The following TBATA variants were observed in gnomAD, a reference collection of about 807,000 sequenced individuals.
TBATA encodes thymus, brain and testes associated, also known as protein TBATA.
A neutral mutation model predicts 38.7 loss-of-function variants in TBATA; 47 were observed. The ratio of observed to expected loss-of-function variants is 1.21; its 90% CI spans 0.96 to 1.55. The LOEUF is 1.55. TBATA is among the 40% of genes most tolerant of loss of function. The pLI is 0.00. For missense variants in TBATA, 436 were observed against 435.6 expected, an observed-to-expected ratio of 1.00 and a Z score of -0.01; for synonymous variants, 183 against 170.5, an observed-to-expected ratio of 1.07 and a Z score of -0.57.
At chr10:70,774,499 C>T (rs1019965224) in intron 8 of TBATA, 142 bp from the exon 9 acceptor site, 1 of 744,894 alleles carries the variant, frequency 1.3e-6, no homozygotes, top group African/African-American at 1.8e-5. Flanking sequence ...CGGGAGAGCT[C>T]CCCCTTCTCT....
intron 3 of TBATA, among the ~76,000 whole-genome samples, chr10:70,782,904 G>A (rs1486411516): frequency 3.9e-5 from 6 of 152,204 alleles, no homozygotes; most frequent in Admixed American, 2.6e-4. Context: ...TAAGCAAGGC[G>A]TGCCGCCCCC....
intron 7 of TBATA, among the ~76,000 whole-genome samples, chr10:70,775,767 C>T (rs139425154): frequency 2.3e-3 from 343 of 152,288 alleles, no homozygotes; most frequent in African/African-American, 7.7e-3. Flanking sequence ...GTCCCAGAGT[C>T]TGGGGATGTT....
At position 70,779,658 on chromosome 10, in the gene TBATA, C is replaced by T; in HGVS notation, c.362G>A (p.Gly121Glu). 1 of 1,531,782 alleles carries T rather than the reference C, an allele frequency of 6.5e-7. No homozygotes were observed. Among genetic ancestry groups the T allele is most frequent in the Non-Finnish European group, 8.7e-7 (1 of 1,149,600 alleles). 94.9% of individuals were successfully genotyped at this position (1,531,782 alleles called of 1,614,324 possible). A position where few individuals can be genotyped will look rare whatever the true frequency, so the allele number is the denominator to read the frequency against. ...ESTVFSGCQM[G>E]IPTISVPIGD... is the part of the protein sequence containing the mutation. ...AATGGGGACAGAGATGGTGGGTATC[C>T]CCATTTGACAGCCGGAAAAGACAGT... The change falls in exon 5 of 11, where the codon GGG becomes GAG. Residue 121 changes from glycine to glutamate, a missense_variant. Coordinates refer to ENST00000456372, the MANE Select transcript of TBATA (RefSeq NM_001318241.2).
intron 7 of TBATA, chr10:70,776,514 C>A: frequency 2.4e-6 from 1 of 423,776 alleles, no homozygotes. Flanking sequence ...CCTGTCTGCT[C>A]TATCCACTTT....
At chr10:70,774,085 C>T (rs1250134778) in intron 9 of TBATA, 128 bp downstream of exon 9, 3 of 1,286,676 alleles carry the variant, frequency 2.3e-6, no homozygotes, top group African/African-American at 1.5e-5. Context: ...GGGGCTGGGC[C>T]TCTGCCTCCA....
At chr10:70,773,791 C>T (rs554227954) in intron 9 of TBATA, among the ~76,000 whole-genome samples, 1 of 152,222 alleles carries the variant, frequency 6.6e-6, no homozygotes, top group Admixed American at 6.5e-5. Context: ...ACTCACCTGC[C>T]TTGTGAGGCC....
chr10:70,781,887 G>A lies in TBATA; in HGVS notation c.191C>T (p.Pro64Leu), dbSNP rs1174678908. The part of the protein sequence containing the change: ...RALRTPKPQT[P>L]GTYCFGRLSH... ...GAGGCGTCCAAAGCAGTAGGTGCCA[G>A]GGGTTTGGGGCTTTGGGGTCCTCAA... is the stretch of plus-strand genomic sequence containing the variant. Residue 64 changes from proline to leucine, a missense_variant, in exon 4 of 11, where the codon CCT (proline) becomes CTT (leucine). Pro to Leu is a moderately conservative substitution (Grantham distance 98). Coordinates refer to ENST00000456372, the MANE Select transcript of TBATA (RefSeq NM_001318241.2). 6.2e-7 allele frequency: 1 copy of A among 1,614,118 alleles called. No individual in the cohort carries two copies. The highest frequency in any genetic ancestry group is 2.2e-5 in the East Asian group (1 of 44,894).
At chr10:70,772,315 C>T in intron 10 of TBATA, 199 bp downstream of exon 10, 1 of 719,544 alleles carries the variant, frequency 1.4e-6, no homozygotes, top group Non-Finnish European at 2.6e-6. Flanking sequence ...TTCTTCCTCA[C>T]TGATCCCCAG....
In TBATA at chr10:70,771,292, C is replaced by G; in HGVS notation, c.*84G>C. ...AGTTTTCACGGTAGGGAATCAGGTA[C>G]TGCTGTGAAGGTGGTGGAGACAGAA... On this transcript the variant is annotated 3_prime_UTR_variant, in exon 11 of 11. Transcript: ENST00000456372. 1 of 1,612,846 alleles carries G rather than the reference C, an allele frequency of 6.2e-7. No homozygotes were observed. The highest frequency in any genetic ancestry group is 8.5e-7 in the Non-Finnish European group (1 of 1,179,212).
chr10:70,776,402 A>C (rs1171248541), intron 7 of TBATA: 1 of 456,176 alleles, frequency 2.2e-6, no homozygotes, highest in South Asian at 1.5e-5. Flanking sequence ...TGGAGAAAGC[A>C]CCTTAGTCCT....
At position 70,775,176 on chromosome 10, in the gene TBATA, G is replaced by C. The variant is rs1283223312; in HGVS notation, c.775+13C>G. The C allele has an allele frequency of 6.2e-7, 1 of 1,609,640 alleles. No homozygotes were observed. The highest frequency in any genetic ancestry group is 8.5e-7 in the Non-Finnish European group (1 of 1,176,344). On this transcript the variant is annotated intron_variant, in intron 8 of 10. Coordinates refer to ENST00000456372, the MANE Select transcript of TBATA (RefSeq NM_001318241.2). ...GCCTCCACTGAGACAGTGCTGCGGG[G>C]CTGTGTCCTCACCCTTGGGCGGAGC...
At chr10:70,772,261 C>T (rs1359645394) in intron 10 of TBATA, 2 of 675,976 alleles carry the variant, frequency 3.0e-6, no homozygotes, top group South Asian at 1.5e-5. Context: ...CTGTATTCCT[C>T]CTTGCTGGGA....
intron 6 of TBATA, 60 bp from the exon 7 acceptor site, chr10:70,777,398 G>A: frequency 6.7e-7 from 1 of 1,501,670 alleles, no homozygotes; most frequent in South Asian, 1.2e-5. Context: ...AGAGGGCTGA[G>A]GGGAGGAGAG....
At chr10:70,779,562 GGGTAGAGGGA>G (rs1843875788) in intron 5 of TBATA, 21 bp downstream of exon 5, 1 of 1,457,268 alleles carries the variant, frequency 6.9e-7, no homozygotes. Context: ...ATGAGCCCCA[GGGTAGAGGGA>G]GGCATGGCCC....
chr10:70,772,616 A>T (rs1369469550), intron 9 of TBATA, 50 bp from the exon 10 acceptor site: 1 of 1,597,900 alleles, frequency 6.3e-7, no homozygotes, highest in Non-Finnish European at 8.6e-7. Flanking sequence ...TGGAAACCTG[A>T]CCCCACGGGT....
intron 2 of TBATA, among the ~76,000 whole-genome samples, 161 bp from the exon 3 acceptor site, chr10:70,783,686 G>T (rs537240698): frequency 6.6e-6 from 1 of 152,272 alleles, no homozygotes; most frequent in South Asian, 2.1e-4. Flanking sequence ...GCAAAAACCT[G>T]GTGGCAACCC....
chr10:70,779,609 G>A lies in TBATA; in HGVS notation c.411C>T (p.Asn137=). 1.3e-6 allele frequency: 2 copies of A among 1,509,008 alleles called. No homozygotes were observed. Among genetic ancestry groups the A allele is most frequent in the South Asian group, 1.3e-5 (1 of 75,556 alleles). 93.5% of individuals were successfully genotyped at this position (1,509,008 alleles called of 1,614,324 possible). The change falls in exon 5 of 11, where the codon AAC becomes AAT. Residue 137 remains asparagine, a synonymous_variant. Coordinates refer to ENST00000456372, the MANE Select transcript of TBATA (RefSeq NM_001318241.2). The part of the protein sequence containing the change: ...VPIGDPQSNR[N]PQLSSEAWKK... ...AGTACCCACCAGAAGAAAGCTGGGGGTTCCGATTAGACTGTGGGTCTCCAA... is the reference window on the plus strand; with the variant it reads ...AGTACCCACCAGAAGAAAGCTGGGGATTCCGATTAGACTGTGGGTCTCCAA...
chr10:70,775,306 T>C, intron 7 of TBATA, 36 bp from the exon 8 acceptor site: 2 of 1,584,024 alleles, frequency 1.3e-6, no homozygotes, highest in Non-Finnish European at 1.7e-6. Flanking sequence ...CAGCCAGGAG[T>C]ACAGGCAAGG....
chr10:70,777,152 C>G lies in TBATA; in HGVS notation c.693+1G>C. The G allele has an allele frequency of 6.2e-7, 1 of 1,611,974 alleles. No homozygotes were observed. Among genetic ancestry groups the G allele is most frequent in the Non-Finnish European group, 8.5e-7 (1 of 1,179,634 alleles). On this transcript the variant is annotated splice_donor_variant, in intron 7 of 10. Coordinates refer to ENST00000456372, the MANE Select transcript of TBATA (RefSeq NM_001318241.2). LOFTEE classifies it high-confidence loss of function. ...GCCTGGGAGCAGAACTGGGCCCTCA[C>G]CAGCAGCTCCTGATCCTGAAGGAGG...
Sources: allele counts gnomAD v4.1 joint callset (sites outside exome capture counted in the v4.1 genomes callset), GRCh38; gene constraint gnomAD v4.1.1; transcripts MANE v1.5; gene names NCBI Gene and HGNC (gene_info 2026-07-23, HGNC 2026-07-21).